OTOGL: variants seen among roughly 807,000 people sequenced by gnomAD.
The protein encoded by OTOGL is otogelin-like protein.
In OTOGL, 285 loss-of-function variants were observed where a neutral mutation model predicts 318.5. The observed-to-expected ratio is 0.89, with a 90% confidence interval of 0.81 to 0.99. The LOEUF (loss-of-function observed/expected upper bound fraction) is 0.99, where lower values mean the gene tolerates loss of function less well. Ranked by LOEUF, OTOGL falls within the 50% of genes least tolerant of loss-of-function variation. The pLI, the probability that OTOGL is intolerant of heterozygous loss-of-function variation, is 0.00. For synonymous variants in OTOGL, 987 were observed against 936.5 expected (o/e 1.05, Z -0.99); for missense variants, 2,899 against 2,845.6 (o/e 1.02, Z -0.43).
chr12:80,125,552 T>G (rs1320657835), intron 1 of OTOGL, among the ~76,000 whole-genome samples: 1 of 152,220 alleles, frequency 6.6e-6, no homozygotes, highest in Admixed American at 6.5e-5. Context: ...GCTGGCCTCA[T>G]AAAATGAGTT....
At chr12:80,250,061 G>A (rs1346065461) in intron 11 of OTOGL, among the ~76,000 whole-genome samples, 2 of 151,976 alleles carry the variant, frequency 1.3e-5, no homozygotes, top group Non-Finnish European at 2.9e-5. Flanking sequence ...TGCGCCCACT[G>A]TCTGGCACTC....
chr12:80,233,227 A>G (rs1420224530), intron 9 of OTOGL, 130 bp downstream of exon 9: 2 of 763,196 alleles, frequency 2.6e-6, no homozygotes, highest in Non-Finnish European at 4.1e-6. Context: ...TGCTTTAGTG[A>G]TTTTAAGTAA....
At chr12:80,265,262 T>C in intron 20 of OTOGL, 52 bp downstream of exon 20, 1 of 1,497,978 alleles carries the variant, frequency 6.7e-7, no homozygotes. Context: ...TAGAGACCTC[T>C]ATGTTTGTAA....
Position 80,127,659 on chromosome 12 carries a change from C to T in OTOGL, c.-20+28054C>T, listed in dbSNP as rs540762279. 3.9e-5 allele frequency among the ~76,000 whole-genome samples: 6 copies of T among 152,298 alleles called. No homozygotes were observed. In the East Asian group the frequency reaches 7.7e-4, roughly 20 times the overall value. Reference sequence around the variant, plus strand: ...TTTTCCAACTTGGTTCCATTCTCTCCGTCATTTTCAGGTACACCAATCAGA... The same window carrying T: ...TTTTCCAACTTGGTTCCATTCTCTCTGTCATTTTCAGGTACACCAATCAGA... On this transcript the variant is annotated intron_variant, in intron 1 of 58. Transcript: ENST00000547103.
At chr12:80,150,855 C>CT (rs1030425368) in intron 1 of OTOGL, among the ~76,000 whole-genome samples, 6 of 152,178 alleles carry the variant, frequency 3.9e-5, no homozygotes, top group Admixed American at 2.6e-4. Context: ...GAAATAGATG[C>CT]TTTTTATTTA....
intron 4 of OTOGL, among the ~76,000 whole-genome samples, chr12:80,216,965 A>AAAAG (rs1178442171): frequency 3.9e-5 from 6 of 152,296 alleles, no homozygotes; most frequent in East Asian, 1.9e-4. Context: ...AAAGAAAAGA[A>AAAAG]AAAGAAAGAA....
At chr12:80,310,182 A>G (rs1886536245) in intron 29 of OTOGL, among the ~76,000 whole-genome samples, 2 of 152,208 alleles carry the variant, frequency 1.3e-5, no homozygotes, top group African/African-American at 4.8e-5. Context: ...GGGCAGTTTC[A>G]GGGAAGGGTA....
At chr12:80,266,106 C>A (rs1882941128) in intron 20 of OTOGL, 2 of 180,174 alleles carry the variant, frequency 1.1e-5, no homozygotes, top group Admixed American at 5.9e-5. Context: ...TAGTCATGCC[C>A]ATTTGTCTGT....
intron 32 of OTOGL, 28 bp downstream of exon 32, chr12:80,314,359 AC>A (rs1421717051): frequency 2.0e-5 from 19 of 960,854 alleles, no homozygotes; most frequent in Non-Finnish European, 2.5e-5. Flanking sequence ...TAAAAATATC[AC>A]TATAGTATTC....
chr12:80,114,460 T>C (rs565214808), intron 1 of OTOGL, among the ~76,000 whole-genome samples: 19 of 152,356 alleles, frequency 1.2e-4, no homozygotes, highest in African/African-American at 4.3e-4. Context: ...TTCTGGCTTG[T>C]AGGGTTTCTG....
chr12:80,334,267 CA>C (rs777386036), intron 38 of OTOGL, among the ~76,000 whole-genome samples: 1 of 152,120 alleles, frequency 6.6e-6, no homozygotes, highest in Non-Finnish European at 1.5e-5. Flanking sequence ...AGGGAAGCAA[CA>C]AAGATTCTAA....
intron 29 of OTOGL, among the ~76,000 whole-genome samples, chr12:80,307,879 A>ACCTC (rs1425500673): frequency 1.1e-5 from 1 of 91,890 alleles, no homozygotes; most frequent in African/African-American, 5.1e-5. Flanking sequence ...TGACCCCCCC[A>ACCTC]CCTCCCTCCC....
At chr12:80,293,809 G>T (rs1184969069) in intron 26 of OTOGL, among the ~76,000 whole-genome samples, 2 of 151,996 alleles carry the variant, frequency 1.3e-5, no homozygotes, top group Non-Finnish European at 2.9e-5. Context: ...CGTTTTTTCT[G>T]CAACATTGAA....
chr12:80,114,341 G>A (rs1343654187), intron 1 of OTOGL, among the ~76,000 whole-genome samples: 4 of 152,130 alleles, frequency 2.6e-5, no homozygotes, highest in African/African-American at 9.7e-5. Context: ...TTGCTTGTCT[G>A]TAAAGGATTT....
chr12:80,160,474 T>C (rs371498123), intron 1 of OTOGL, among the ~76,000 whole-genome samples: 33 of 152,158 alleles, frequency 2.2e-4, no homozygotes, highest in African/African-American at 5.3e-4. Context: ...AACAAACATA[T>C]GAAAAAATGC....
At chr12:80,139,083 AT>A (rs1214581067) in intron 1 of OTOGL, among the ~76,000 whole-genome samples, 2 of 152,208 alleles carry the variant, frequency 1.3e-5, no homozygotes, top group East Asian at 3.9e-4. Flanking sequence ...TAGGACTCGA[AT>A]TATGCAGTTA....
At chr12:80,156,880 G>T (rs1326832409) in intron 1 of OTOGL, among the ~76,000 whole-genome samples, 3 of 152,160 alleles carry the variant, frequency 2.0e-5, no homozygotes, top group African/African-American at 7.2e-5. Context: ...TGTCTATTGT[G>T]AAGAGTGCTG....
chr12:80,229,415 A>T lies in OTOGL; in HGVS notation c.611+37A>T. The stretch of plus-strand genomic sequence containing the variant: ...GAAACAGTGAAATGTCAGTAACACC[A>T]CAAATTAATAGAATTTCCAAACATC... On this transcript the variant is annotated intron_variant, in intron 8 of 58. Transcript: ENST00000547103. The T allele has an allele frequency of 1.3e-6, 2 of 1,564,118 alleles. 1 individual carries two copies. The highest frequency in any genetic ancestry group is 3.6e-4 in the Middle Eastern group (2 of 5,624).
chr12:80,170,400 T>C (rs989632573), intron 1 of OTOGL, among the ~76,000 whole-genome samples: 4 of 152,096 alleles, frequency 2.6e-5, no homozygotes, highest in African/African-American at 9.7e-5. Context: ...AGTGTCTTGA[T>C]ATTTTCTACT....
Sources: allele counts gnomAD v4.1 joint callset (sites outside exome capture counted in the v4.1 genomes callset), GRCh38; gene constraint gnomAD v4.1.1; transcripts MANE v1.5; gene names NCBI Gene and HGNC (gene_info 2026-07-23, HGNC 2026-07-21).